NOL9: variants seen among roughly 807,000 people sequenced by gnomAD.
The protein encoded by NOL9 is polynucleotide 5'-hydroxyl-kinase NOL9.
In NOL9, 28 loss-of-function variants were observed where a neutral mutation model predicts 67.9. That is an observed-to-expected ratio of 0.41 (90% CI 0.31 to 0.57). The LOEUF is 0.57. NOL9 is among the 20% of genes least tolerant of loss of function. The probability of loss-of-function intolerance (pLI) is 0.25; values close to 1 mark genes in which losing one functional copy is unlikely to be tolerated. For missense variants in NOL9, 777 were observed against 897.0 expected, an observed-to-expected ratio of 0.87 and a Z score of 1.71; for synonymous variants, 356 against 352.2, an observed-to-expected ratio of 1.01 and a Z score of -0.12.
At chr1:6,530,653 A>AACAT (rs1439991791) in intron 9 of NOL9, among the ~76,000 whole-genome samples, 1 of 152,256 alleles carries the variant, frequency 6.6e-6, no homozygotes, top group East Asian at 1.9e-4. Context: ...GGGCCCAAGA[A>AACAT]ACATATCCTT....
intron 5 of NOL9, among the ~76,000 whole-genome samples, chr1:6,542,380 C>T (rs1158764407): frequency 2.0e-5 from 3 of 150,094 alleles, no homozygotes; most frequent in Non-Finnish European, 4.4e-5. Flanking sequence ...AGGATGGTCT[C>T]GATCTCCTGA....
At chr1:6,533,515 G>T (rs945981486) in intron 6 of NOL9, 74 bp from the exon 7 acceptor site, 3 of 1,170,758 alleles carry the variant, frequency 2.6e-6, no homozygotes, top group African/African-American at 3.1e-5. Context: ...GGTGGTGAGG[G>T]TTTTGTTTCA....
chr1:6,554,026 T>G, intron 1 of NOL9, 81 bp downstream of exon 1: 1 of 1,205,198 alleles, frequency 8.3e-7, no homozygotes, highest in Non-Finnish European at 1.1e-6. Flanking sequence ...ACCACGGTCC[T>G]CTCCTACCCT....
In NOL9 at chr1:6,532,724, A is replaced by G; in HGVS notation, c.1274T>C (p.Leu425Ser). ...CTGAACCACGTGGCTGGGAGACAGC[A>G]ATCGGATCAGATCAATGAGAAGCAG... is the stretch of plus-strand genomic sequence containing the variant. ...GLLLLIDLIRLLSPSHVVQFR... is the reference protein window; with the variant it reads ...GLLLLIDLIRSLSPSHVVQFR... The change falls in exon 8 of 12, where the codon TTG becomes TCG. Residue 425 changes from leucine (L) to serine (S), a missense_variant. By Grantham distance (145) the Leu-to-Ser change is moderately radical. Coordinates refer to ENST00000377705, the MANE Select transcript of NOL9 (RefSeq NM_024654.5). 6.2e-7 allele frequency: 1 copy of G among 1,614,144 alleles called. No individual in the cohort carries two copies. Among genetic ancestry groups the G allele is most frequent in the Non-Finnish European group, 8.5e-7 (1 of 1,179,976 alleles).
intron 6 of NOL9, among the ~76,000 whole-genome samples, chr1:6,534,791 CTCTT>C (rs952682813): frequency 7.2e-5 from 11 of 152,132 alleles, no homozygotes; most frequent in South Asian, 4.2e-4. Flanking sequence ...CTGTCTCTCT[CTCTT>C]TCTCTCTTTT....
At chr1:6,535,261 A>T (rs771205675) in intron 6 of NOL9, among the ~76,000 whole-genome samples, 1 of 152,236 alleles carries the variant, frequency 6.6e-6, no homozygotes, top group Non-Finnish European at 1.5e-5. Context: ...AGAGGCAACA[A>T]GCGTGCACAG....
At position 6,554,207 on chromosome 1, in the gene NOL9, G is replaced by C; in HGVS notation, c.296C>G (p.Pro99Arg). The C allele has an allele frequency of 6.6e-7, 1 of 1,520,822 alleles. No homozygotes were observed. Among genetic ancestry groups the C allele is most frequent in the Non-Finnish European group, 8.8e-7 (1 of 1,133,452 alleles). The allele number at this position is 1,520,822 out of a possible 1,614,324, so 94.2% of individuals were successfully genotyped here. Residue 99 changes from proline (P) to arginine (R), a missense_variant, in exon 1 of 12, where the codon CCC (proline) becomes CGC (arginine). Pro to Arg is a moderately radical substitution (Grantham distance 103, BLOSUM62 -2). This residue lies in a region of NOL9 where 364 missense variants were observed against 344.4 expected (regional missense o/e 1.06). Coordinates refer to ENST00000377705, the MANE Select transcript of NOL9 (RefSeq NM_024654.5). ...GCAACTCGAGGCGGATTCGAGTTCG[G>C]GTTCGGACTCGGGTTCGGAGGCCGG... ...PTPASEPESE[P>R]ELESASSCHR...
Position 6,525,206 on chromosome 1 carries a change from G to GACACCAAC in NOL9, c.*647_*648insGTTGGTGT, listed in dbSNP as rs1638856053. On this transcript the variant is annotated 3_prime_UTR_variant, in exon 12 of 12. Coordinates refer to ENST00000377705, the MANE Select transcript of NOL9 (RefSeq NM_024654.5). ...TGTCGCTCAGGCTGGAGTAGTTGGT[G>GACACCAAC]TACTCCAGCCTGGAACTCCGAGGCT... The GACACCAAC allele has an allele frequency of 6.6e-6, 1 of 151,844 alleles. No individual in the cohort carries two copies. Among genetic ancestry groups the GACACCAAC allele is most frequent in the Non-Finnish European group, 1.5e-5 (1 of 68,102 alleles). 9.4% of individuals were successfully genotyped at this position (151,844 alleles called of 1,614,324 possible).
At chr1:6,544,734 T>C (rs1226060734) in intron 5 of NOL9, 92 bp downstream of exon 5, 6 of 1,327,898 alleles carry the variant, frequency 4.5e-6, no homozygotes, top group Non-Finnish European at 6.4e-6. Context: ...AATCTCTAGC[T>C]AGAAGCCAAG....
At chr1:6,543,198 T>A (rs942134846) in intron 5 of NOL9, among the ~76,000 whole-genome samples, 1 of 51,494 alleles carries the variant, frequency 1.9e-5, no homozygotes, top group South Asian at 6.7e-4. Flanking sequence ...CCAGCCTTTT[T>A]TTCTTTTTTT....
intron 1 of NOL9, 69 bp from the exon 2 acceptor site, chr1:6,550,684 T>TC (rs1491211287): frequency 2.7e-4 from 92 of 341,694 alleles, no homozygotes; most frequent in Non-Finnish European, 3.1e-4. Flanking sequence ...TTCTAAAATC[T>TC]TTTTTTTTTT....
chr1:6,550,042 T>TC (rs1014261013), intron 2 of NOL9, among the ~76,000 whole-genome samples: 67 of 152,262 alleles, frequency 4.4e-4, no homozygotes, highest in Middle Eastern at 6.8e-3. Flanking sequence ...AAATAATTTT[T>TC]TTTTTTTGAG....
At chr1:6,547,772 T>A (rs1639450337) in intron 3 of NOL9, 1 of 152,606 alleles carries the variant, frequency 6.6e-6, no homozygotes, top group Non-Finnish European at 1.5e-5. Flanking sequence ...GAGGGTCACC[T>A]GAGCCCGGAA....
chr1:6,527,858 G>A (rs1051827918), intron 10 of NOL9, among the ~76,000 whole-genome samples: 1 of 152,160 alleles, frequency 6.6e-6, no homozygotes, highest in Non-Finnish European at 1.5e-5. Context: ...TTGAACCTGG[G>A]AGGTGGAGGT....
At chr1:6,535,862 A>AG (rs1303642037) in intron 6 of NOL9, among the ~76,000 whole-genome samples, 1 of 150,736 alleles carries the variant, frequency 6.6e-6, no homozygotes, top group Admixed American at 6.7e-5. Flanking sequence ...CAGGAGGCAC[A>AG]GGTTGCAGTG....
At chr1:6,535,669 A>G (rs1002545202) in intron 6 of NOL9, among the ~76,000 whole-genome samples, 1 of 152,208 alleles carries the variant, frequency 6.6e-6, no homozygotes, top group Non-Finnish European at 1.5e-5. Flanking sequence ...GCTTACACCT[A>G]TAATTCTAGC....
intron 3 of NOL9, among the ~76,000 whole-genome samples, chr1:6,545,919 C>CAAAAAAAAAAA (rs66980518): frequency 3.4e-5 from 2 of 59,660 alleles, no homozygotes; most frequent in Admixed American, 5.5e-4. Context: ...GTCTGTGTCT[C>CAAAAAAAAAAA]AAAAAAAAAA....
chr1:6,550,863 A>T (rs1203198821), intron 1 of NOL9, among the ~76,000 whole-genome samples: 3 of 152,078 alleles, frequency 2.0e-5, no homozygotes, highest in Middle Eastern at 3.4e-3. Flanking sequence ...TTGTACTTTT[A>T]ATAAAGACAG....
At chr1:6,548,561 G>A (rs751865645) in intron 3 of NOL9, 3 of 360,076 alleles carry the variant, frequency 8.3e-6, no homozygotes, top group South Asian at 5.0e-5. Context: ...TTTCCTTCTC[G>A]AGGAGGAGAA....
Sources: allele counts gnomAD v4.1 joint callset (sites outside exome capture counted in the v4.1 genomes callset), GRCh38; gene constraint gnomAD v4.1.1; regional missense constraint gnomAD v4.1.1; transcripts MANE v1.5; gene names NCBI Gene and HGNC (gene_info 2026-07-23, HGNC 2026-07-21).